LEF1: variants seen among roughly 807,000 people sequenced by gnomAD.
The protein encoded by LEF1 is lymphoid enhancer binding factor 1, also known as lymphoid enhancer-binding factor 1.
A neutral mutation model predicts 51.2 loss-of-function variants in LEF1; 14 were observed. That is an observed-to-expected ratio of 0.27 (90% CI 0.18 to 0.43). The LOEUF (loss-of-function observed/expected upper bound fraction) is 0.43. LEF1 is among the 20% of genes least tolerant of loss of function. The pLI is 1.00. For missense variants in LEF1, 386 were observed against 512.0 expected (o/e 0.75, Z 2.37); for synonymous variants, 185 against 183.2 (o/e 1.01, Z -0.08).
chr4:108,070,933 G>A (rs907470344), intron 8 of LEF1, 163 bp from the exon 9 acceptor site: 1 of 581,736 alleles, frequency 1.7e-6, no homozygotes, highest in South Asian at 2.3e-5. Flanking sequence ...TCTCCTTGGA[G>A]TCTAGTGGCT....
intron 3 of LEF1, among the ~76,000 whole-genome samples, chr4:108,135,218 A>C (rs1308663788): frequency 1.3e-5 from 2 of 152,238 alleles, no homozygotes; most frequent in Non-Finnish European, 2.9e-5. Flanking sequence ...TCAAACATCC[A>C]GAATGAGGGA....
intron 3 of LEF1, among the ~76,000 whole-genome samples, chr4:108,139,249 T>C (rs1049837049): frequency 1.3e-5 from 2 of 152,236 alleles, no homozygotes; most frequent in Admixed American, 6.5e-5. Flanking sequence ...CTGGGAAATA[T>C]AAGTTGCAAC....
chr4:108,124,657 C>T (rs977171312), intron 3 of LEF1, among the ~76,000 whole-genome samples: 3 of 152,218 alleles, frequency 2.0e-5, no homozygotes, highest in East Asian at 1.9e-4. Context: ...CATGAGTCAC[C>T]GCGCCCGGAA....
intron 9 of LEF1, among the ~76,000 whole-genome samples, chr4:108,069,523 T>A (rs1738311776): frequency 1.3e-5 from 2 of 152,224 alleles, no homozygotes; most frequent in African/African-American, 4.8e-5. Context: ...ATGTGATAGA[T>A]GCTGGGGTAC....
rs1310915346 is a variant in LEF1 at position 108,167,414 on chromosome 4, C to A, written c.213+141G>T. 8.5e-6 allele frequency: 6 copies of A among 709,798 alleles called. No homozygotes were observed. Among genetic ancestry groups the A allele is most frequent in the Non-Finnish European group, 1.4e-5 (6 of 420,648 alleles). The allele number at this position is 709,798 out of a possible 1,614,324, so 44.0% of individuals were successfully genotyped here. A position where few individuals can be genotyped will look rare whatever the true frequency, so the allele number is the denominator to read the frequency against. ...CACACACTGCGGACCGGGGGCCCAG[C>A]TACGCACACACCCCAAAACAAACGA... On this transcript the variant is annotated intron_variant, in intron 1 of 11. Transcript: ENST00000265165. The surrounding 1 kb of genome is among the most constrained non-coding windows in gnomAD (Gnocchi z 5.7).
At chr4:108,121,264 G>A (rs1742164905) in intron 3 of LEF1, among the ~76,000 whole-genome samples, 1 of 152,196 alleles carries the variant, frequency 6.6e-6, no homozygotes, top group African/African-American at 2.4e-5. Context: ...GCTAAGTGAT[G>A]AGCAGTTTTC....
chr4:108,110,714 T>C (rs149676401), intron 3 of LEF1, among the ~76,000 whole-genome samples: 196 of 152,276 alleles, frequency 1.3e-3, no homozygotes, highest in African/African-American at 4.5e-3. Flanking sequence ...ATCATCCTCG[T>C]TGAGTGACTT....
chr4:108,098,504 G>A (rs573648608), intron 3 of LEF1, among the ~76,000 whole-genome samples: 7 of 151,806 alleles, frequency 4.6e-5, no homozygotes, highest in South Asian at 2.1e-4. Context: ...CATATTCAAA[G>A]GGGGGGCTTT....
chr4:108,065,536 G>T (rs1738012101), intron 9 of LEF1, among the ~76,000 whole-genome samples: 1 of 152,130 alleles, frequency 6.6e-6, no homozygotes, highest in South Asian at 2.1e-4. Context: ...TTTTTGATGT[G>T]CCGTTTCTCA....
intron 11 of LEF1, among the ~76,000 whole-genome samples, chr4:108,059,781 C>A (rs1414514927): frequency 2.0e-5 from 3 of 152,184 alleles, no homozygotes; most frequent in Non-Finnish European, 4.4e-5. Context: ...CAGCTCACTG[C>A]AGCCTTGACA....
intron 3 of LEF1, among the ~76,000 whole-genome samples, chr4:108,115,899 G>A (rs993831398): frequency 1.4e-5 from 2 of 144,460 alleles, no homozygotes; most frequent in African/African-American, 5.6e-5. Context: ...CTGTAAGGCA[G>A]GCCTGCGGTC....
At position 108,083,427 on chromosome 4, in the gene LEF1, T is replaced by A; in HGVS notation, c.567A>T (p.Pro189=). The change falls in exon 5 of 12, where the codon CCA becomes CCT. Residue 189 remains proline (P), a synonymous_variant. Transcript: ENST00000265165. Reference sequence around the variant, plus strand: ...GATAAAAAGTAGGGATATCAGGAGCTGGAGGATGTCTGGACATGCCTGTTA... The same window carrying A: ...GATAAAAAGTAGGGATATCAGGAGCAGGAGGATGTCTGGACATGCCTGTTA... ...NSKQGMSRHP[P]APDIPTFYPL... is the part of the protein sequence containing the mutation. 2 of 1,613,058 alleles carry A rather than the reference T, an allele frequency of 1.2e-6. No homozygotes were observed. The highest frequency in any genetic ancestry group is 1.7e-6 in the Non-Finnish European group (2 of 1,179,188).
chr4:108,150,752 A>T (rs1040742264), intron 3 of LEF1, among the ~76,000 whole-genome samples: 1 of 152,156 alleles, frequency 6.6e-6, no homozygotes, highest in Non-Finnish European at 1.5e-5. Context: ...TCTGTGCCTC[A>T]GTTTCTTCAC....
At position 108,167,488 on chromosome 4, in the gene LEF1, T is replaced by C. The variant is rs1745487930; in HGVS notation, c.213+67A>G. The C allele has an allele frequency of 2.6e-6, 4 of 1,554,268 alleles. No individual in the cohort carries two copies. The highest frequency in any genetic ancestry group is 2.6e-6 in the Non-Finnish European group (3 of 1,134,804). On this transcript the variant is annotated intron_variant, in intron 1 of 11. Transcript: ENST00000265165. The surrounding 1 kb of genome is among the most constrained non-coding windows in gnomAD (Gnocchi z 5.7). ...CGGGCGGCCGGGCGCCTTCGTTCCC[T>C]TCCTCCCTCTCTGAGTTTCCCAGGG...
At chr4:108,113,516 G>T (rs942283827) in intron 3 of LEF1, among the ~76,000 whole-genome samples, 1 of 152,232 alleles carries the variant, frequency 6.6e-6, no homozygotes, top group Non-Finnish European at 1.5e-5. Context: ...CCCACTGCCT[G>T]TACAGTCAGG....
At chr4:108,143,468 T>C (rs745456599) in intron 3 of LEF1, among the ~76,000 whole-genome samples, 9 of 152,230 alleles carry the variant, frequency 5.9e-5, no homozygotes, top group Non-Finnish European at 1.3e-4. Context: ...GCATTCTTAA[T>C]AAGCTTATCA....
At chr4:108,106,538 C>T (rs571706899) in intron 3 of LEF1, among the ~76,000 whole-genome samples, 3 of 152,224 alleles carry the variant, frequency 2.0e-5, no homozygotes, top group East Asian at 3.9e-4. Context: ...AGCAAGCCAG[C>T]GACAATATGG....
At chr4:108,095,680 C>T (rs895749347) in intron 3 of LEF1, among the ~76,000 whole-genome samples, 5 of 152,136 alleles carry the variant, frequency 3.3e-5, no homozygotes, top group Non-Finnish European at 5.9e-5. Context: ...CATGGAAAAC[C>T]CACTATTCTC....
At chr4:108,098,609 CAGAAAT>C (rs1740542835) in intron 3 of LEF1, among the ~76,000 whole-genome samples, 1 of 152,104 alleles carries the variant, frequency 6.6e-6, no homozygotes, top group African/African-American at 2.4e-5. Context: ...AGGACAGTAA[CAGAAAT>C]ACTTATGTGT....
Sources: gnomAD v4.1 joint callset for allele counts (sites outside exome capture counted in the v4.1 genomes callset) on GRCh38, gnomAD v4.1.1 for gene constraint, Gnocchi (gnomAD v3.1) non-coding constraint, MANE v1.5 for transcripts, NCBI Gene and HGNC (gene_info 2026-07-23, HGNC 2026-07-21) for gene names.